Variants in ZSCAN23 observed in about 807,000 individuals in gnomAD.
ZSCAN23 encodes the protein zinc finger and SCAN domain containing 23, also known as zinc finger and SCAN domain-containing protein 23.
Under a neutral mutation model 19.3 loss-of-function variants are expected in ZSCAN23, and 19 were observed. The observed-to-expected ratio is 0.99, with a 90% CI of 0.69 to 1.45. The LOEUF is 1.45. Among genes scored for constraint, ZSCAN23 ranks in the 40% most tolerant of loss-of-function variants. The pLI, the probability that ZSCAN23 is intolerant of heterozygous loss-of-function variation, is 0.00. For synonymous variants in ZSCAN23, 140 were observed against 166.2 expected (o/e 0.84, Z 1.21); for missense variants, 372 against 462.5 (o/e 0.80, Z 1.79).
Position 28,436,321 on chromosome 6 carries a change from T to A in ZSCAN23, c.-55A>T. 4 of 1,374,694 alleles carry A rather than the reference T, an allele frequency of 2.9e-6. No individual in the cohort carries two copies. Among genetic ancestry groups the A allele is most frequent in the East Asian group, 2.7e-5 (1 of 37,188 alleles). The allele number at this position is 1,374,694 out of a possible 1,614,324, so 85.2% of individuals were successfully genotyped here. On this transcript the variant is annotated 5_prime_UTR_variant, in exon 2 of 4. It adds an upstream start codon to the 5' untranslated region. Coordinates refer to ENST00000289788, the MANE Select transcript of ZSCAN23 (RefSeq NM_001012455.2). ...TATTCTTGATAATTCTCCCTTGATC[T>A]TTTCTTCTGGAAACCCCGAGATCTA...
downstream of ZSCAN23, among the ~76,000 whole-genome samples, chr6:28,429,648 G>T (rs540489653): frequency 1.3e-5 from 2 of 152,260 alleles, no homozygotes; most frequent in Non-Finnish European, 2.9e-5. Flanking sequence ...TACAGACCTA[G>T]CTCTGTACAG....
At chr6:28,432,018 C>A (rs1199455564), downstream of ZSCAN23, 1 of 152,032 alleles carries the variant, frequency 6.6e-6, no homozygotes, top group Non-Finnish European at 1.5e-5. Flanking sequence ...TTGCAGATGC[C>A]TACAGTGGGT....
chr6:28,443,457 G>C lies in ZSCAN23; in HGVS notation c.-136C>G, dbSNP rs1216891975. 6.6e-6 allele frequency: 1 copy of C among 152,236 alleles called. No homozygotes were observed. The highest frequency in any genetic ancestry group is 1.5e-5 in the Non-Finnish European group (1 of 68,052). 9.4% of individuals were successfully genotyped at this position (152,236 alleles called of 1,614,324 possible). ...CAGATCACATCTGCTCTGAATCCTT[G>C]ACAACCGCAGCCCAAAGAATGATAA... On this transcript the variant is annotated 5_prime_UTR_variant, in exon 1 of 4. Transcript: ENST00000289788.
At position 28,433,271 on chromosome 6, in the gene ZSCAN23, C is replaced by T. The variant is rs149183609; in HGVS notation, c.*1194G>A. On this transcript the variant is annotated 3_prime_UTR_variant, in exon 4 of 4. Coordinates refer to ENST00000289788, the MANE Select transcript of ZSCAN23 (RefSeq NM_001012455.2). ...TCCAGTGGCTTAATAGAATGTTACA[C>T]TAGGAAGTAGGAGACAGGGTTCTAG... 3.7e-4 allele frequency: 56 copies of T among 152,174 alleles called. No homozygotes were observed. The highest frequency in any genetic ancestry group is 3.4e-3 in the Middle Eastern group (1 of 294). The allele number at this position is 152,174 out of a possible 1,614,324, so 9.4% of individuals were successfully genotyped here.
rs1029959892 is a variant in ZSCAN23 at position 28,436,271 on chromosome 6, G to C, written c.-5C>G. Reference sequence around the variant, plus strand: ...AAGGGTCAAGGTTATGGCCATCAAAGGTTTAACTATTCAGAAAAATAATCT... The same window carrying C: ...AAGGGTCAAGGTTATGGCCATCAAACGTTTAACTATTCAGAAAAATAATCT... On this transcript the variant is annotated 5_prime_UTR_variant, in exon 2 of 4. Coordinates refer to ENST00000289788, the MANE Select transcript of ZSCAN23 (RefSeq NM_001012455.2). 21 of 1,516,702 alleles carry C rather than the reference G, an allele frequency of 1.4e-5. No homozygotes were observed. The highest frequency in any genetic ancestry group is 1.7e-4 in the Middle Eastern group (1 of 5,820). 94.0% of individuals were successfully genotyped at this position (1,516,702 alleles called of 1,614,324 possible). A position where few individuals can be genotyped will look rare whatever the true frequency, so the allele number is the denominator to read the frequency against.
downstream of ZSCAN23, chr6:28,432,118 G>A (rs781219619): frequency 4.6e-5 from 7 of 151,988 alleles, no homozygotes; most frequent in South Asian, 2.1e-4. Context: ...AAATTTTTAA[G>A]GCAATAAAAG....
Position 28,433,242 on chromosome 6 carries a change from T to C in ZSCAN23, c.*1223A>G, listed in dbSNP as rs534334027. The C allele has an allele frequency of 6.6e-6, 1 of 152,240 alleles. No homozygotes were observed. Among genetic ancestry groups the C allele is most frequent in the South Asian group, 2.1e-4 (1 of 4,820 alleles). 9.4% of individuals were successfully genotyped at this position (152,240 alleles called of 1,614,324 possible). ...TTGTAATTTTTATTTGGTGATATAATGCCTCCAGTGGCTTAATAGAATGTT... is the reference window on the plus strand; with the variant it reads ...TTGTAATTTTTATTTGGTGATATAACGCCTCCAGTGGCTTAATAGAATGTT... On this transcript the variant is annotated 3_prime_UTR_variant, in exon 4 of 4. Transcript: ENST00000289788.
chr6:28,425,307 A>G, the ZSCAN23 span, among the ~76,000 whole-genome samples: 1 of 152,082 alleles, frequency 6.6e-6, no homozygotes, highest in Admixed American at 6.5e-5. Context: ...GGCAGAGTAG[A>G]TTTAGCATGA....
rs889774733 is a variant in ZSCAN23 at position 28,436,303 on chromosome 6, G to A, written c.-37C>T. The A allele has an allele frequency of 2.0e-6, 3 of 1,466,868 alleles. No individual in the cohort carries two copies. The highest frequency in any genetic ancestry group is 2.7e-6 in the Non-Finnish European group (3 of 1,105,278). The allele number at this position is 1,466,868 out of a possible 1,614,324, so 90.9% of individuals were successfully genotyped here. On this transcript the variant is annotated 5_prime_UTR_variant, in exon 2 of 4. It introduces an in-frame stop codon into an upstream open reading frame of the 5' UTR. Coordinates refer to ENST00000289788, the MANE Select transcript of ZSCAN23 (RefSeq NM_001012455.2). ...CTATTCAGAAAAATAATCTATTCTTGATAATTCTCCCTTGATCTTTTCTTC... is the reference window on the plus strand; with the variant it reads ...CTATTCAGAAAAATAATCTATTCTTAATAATTCTCCCTTGATCTTTTCTTC...
At chr6:28,436,536 A>G (rs1167579765) in intron 1 of ZSCAN23, among the ~76,000 whole-genome samples, 193 bp from the exon 2 acceptor site, 1 of 152,200 alleles carries the variant, frequency 6.6e-6, no homozygotes, top group African/African-American at 2.4e-5. Flanking sequence ...AAAAACGCCT[A>G]CAGTTTTCTG....
the ZSCAN23 span, among the ~76,000 whole-genome samples, chr6:28,425,803 A>C: frequency 2.6e-5 from 4 of 152,348 alleles, no homozygotes; most frequent in African/African-American, 9.6e-5. Context: ...TTTCATCTAC[A>C]TTAAAAATAT....
rs1761884732 is a variant in ZSCAN23 at position 28,436,245 on chromosome 6, G to C, written c.22C>G (p.Gln8Glu). Residue 8 changes from glutamine (Q) to glutamate (E), a missense_variant, in exon 2 of 4, where the codon CAG (glutamine) becomes GAG (glutamate). Gln to Glu is a conservative substitution (Grantham distance 29). Coordinates refer to ENST00000289788, the MANE Select transcript of ZSCAN23 (RefSeq NM_001012455.2). The part of the protein sequence containing the change: MAITLTL[Q>E]TAEMQEGLLA... ...AGTCCTTCCTGCATCTCTGCAGTCTGAAGGGTCAAGGTTATGGCCATCAAA... is the reference window on the plus strand; with the variant it reads ...AGTCCTTCCTGCATCTCTGCAGTCTCAAGGGTCAAGGTTATGGCCATCAAA... 5 of 1,550,646 alleles carry C rather than the reference G, an allele frequency of 3.2e-6. No individual in the cohort carries two copies. Among genetic ancestry groups the C allele is most frequent in the Non-Finnish European group, 4.4e-6 (5 of 1,146,456 alleles).
Position 28,434,777 on chromosome 6 carries a change from G to C in ZSCAN23, c.858C>G (p.Phe286Leu). The C allele has an allele frequency of 6.2e-7, 1 of 1,602,232 alleles. No individual in the cohort carries two copies. The highest frequency in any genetic ancestry group is 8.5e-7 in the Non-Finnish European group (1 of 1,174,094). ...GCTGGAATAGGCCTGACCTCTGGCTGAAGGCCCGCCCACACTCATCACATT... is the reference window on the plus strand; with the variant it reads ...GCTGGAATAGGCCTGACCTCTGGCTCAAGGCCCGCCCACACTCATCACATT... ...PYECDECGRA[F>L]SQRSGLFQHQ... The change falls in exon 4 of 4, where the codon TTC becomes TTG. Residue 286 changes from phenylalanine to leucine, a missense_variant. By Grantham distance (22) the Phe-to-Leu change is conservative. Transcript: ENST00000289788.
Position 28,441,001 on chromosome 6 carries a change from G to A in ZSCAN23, c.-78+2398C>T, listed in dbSNP as rs117890350. The stretch of plus-strand genomic sequence containing the variant: ...ATAGAGTTCCTAATCTTCCATTCAG[G>A]ATCACAACCTCAATGTATATGCCAG... On this transcript the variant is annotated intron_variant, in intron 1 of 3. Coordinates refer to ENST00000289788, the MANE Select transcript of ZSCAN23 (RefSeq NM_001012455.2). Among the ~76,000 whole-genome samples, 219 of 152,138 alleles carry A rather than the reference G, an allele frequency of 1.4e-3. 3 individuals carry two copies. The Middle Eastern group carries it at 0.02, about 14-fold the overall frequency.
At position 28,433,986 on chromosome 6, in the gene ZSCAN23, C is replaced by A. The variant is rs577446255; in HGVS notation, c.*479G>T. ...AAATCTACATTTATATAGGAGGATT[C>A]ATCTGCCCCTTTTTGTAGGTTACAA... is the stretch of plus-strand genomic sequence containing the variant. On this transcript the variant is annotated 3_prime_UTR_variant, in exon 4 of 4. Coordinates refer to ENST00000289788, the MANE Select transcript of ZSCAN23 (RefSeq NM_001012455.2). The A allele has an allele frequency of 1.4e-4, 21 of 152,520 alleles. No individual in the cohort carries two copies. Among genetic ancestry groups the A allele is most frequent in the Non-Finnish European group, 2.5e-4 (17 of 68,332 alleles). The allele number at this position is 152,520 out of a possible 1,614,324, so 9.4% of individuals were successfully genotyped here. A position where few individuals can be genotyped will look rare whatever the true frequency, so the allele number is the denominator to read the frequency against.
chr6:28,434,631 C>T lies in ZSCAN23; in HGVS notation c.1004G>A (p.Cys335Tyr). The T allele has an allele frequency of 6.4e-7, 1 of 1,560,516 alleles. No individual in the cohort carries two copies. The highest frequency in any genetic ancestry group is 8.7e-7 in the Non-Finnish European group (1 of 1,152,158). ...RIHTGEKPYQ[C>Y]NQCNKSFSRR... ...ACTAAAACTCTTATTGCACTGATTGCACTGGTAAGGCTTCTCCCCAGTGTG... is the reference window on the plus strand; with the variant it reads ...ACTAAAACTCTTATTGCACTGATTGTACTGGTAAGGCTTCTCCCCAGTGTG... Residue 335 changes from cysteine to tyrosine, a missense_variant, in exon 4 of 4, where the codon TGC becomes TAC. Coordinates refer to ENST00000289788, the MANE Select transcript of ZSCAN23 (RefSeq NM_001012455.2).
At chr6:28,425,822 G>T in the ZSCAN23 span, among the ~76,000 whole-genome samples, 1 of 152,182 alleles carries the variant, frequency 6.6e-6, no homozygotes, top group Non-Finnish European at 1.5e-5. Context: ...ATGTTGTTTA[G>T]TATAGCCACC....
At chr6:28,424,801 T>C in the ZSCAN23 span, among the ~76,000 whole-genome samples, 1 of 152,230 alleles carries the variant, frequency 6.6e-6, no homozygotes, top group Non-Finnish European at 1.5e-5. Flanking sequence ...TTTCCTCCAC[T>C]GAAGTCTTGA....
At chr6:28,432,130 C>T (rs1761772059), downstream of ZSCAN23, 1 of 152,096 alleles carries the variant, frequency 6.6e-6, no homozygotes, top group African/African-American at 2.4e-5. Flanking sequence ...CAATAAAAGA[C>T]AGAAAGATTA....
Sources: allele counts gnomAD v4.1 joint callset (sites outside exome capture counted in the v4.1 genomes callset), GRCh38; gene constraint gnomAD v4.1.1; transcripts MANE v1.5; gene names NCBI Gene and HGNC (gene_info 2026-07-23, HGNC 2026-07-21).